The following MCMDC2 variants were observed in gnomAD, a reference collection of about 807,000 sequenced individuals.
MCMDC2 encodes minichromosome maintenance domain-containing protein 2.
Under a neutral mutation model 75.8 loss-of-function variants are expected in MCMDC2, and 54 were observed. The observed-to-expected ratio is 0.71, with a 90% CI of 0.57 to 0.89. MCMDC2 has a LOEUF of 0.89. Ranked by LOEUF, MCMDC2 falls within the 40% of genes least tolerant of loss-of-function variation. The pLI is 0.00. For missense variants in MCMDC2, 656 were observed against 780.4 expected, an observed-to-expected ratio of 0.84 and a Z score of 1.90; for synonymous variants, 249 against 274.6, an observed-to-expected ratio of 0.91 and a Z score of 0.92.
Position 66,899,844 on chromosome 8 carries a change from G to A in MCMDC2, c.1627-1362G>A, listed in dbSNP as rs572724762. Among the ~76,000 whole-genome samples, 7 of 151,980 alleles carry A rather than the reference G, an allele frequency of 4.6e-5. No individual in the cohort carries two copies. In the South Asian group the frequency reaches 1.0e-3, roughly 23 times the overall value. On this transcript the variant is annotated intron_variant, in intron 12 of 14. Coordinates refer to ENST00000422365, the MANE Select transcript of MCMDC2 (RefSeq NM_173518.5). ...AAATTTAAAATATAAATTTTAGGCC[G>A]GGCCTAGTGGCTCACGCCTGTAATC...
chr8:66,897,389 A>G (rs1812407086), intron 12 of MCMDC2, among the ~76,000 whole-genome samples: 1 of 151,234 alleles, frequency 6.6e-6, no homozygotes, highest in South Asian at 2.1e-4. Flanking sequence ...CCTGGGTGAT[A>G]GAGTAAGACC....
At position 66,883,992 on chromosome 8, in the gene MCMDC2, C is replaced by T. The variant is rs1811714927; in HGVS notation, c.1071C>T (p.Asp357=). Residue 357 remains aspartate, a splice_region_variant and synonymous_variant, in exon 9 of 15, where the codon GAC becomes GAT. Transcript: ENST00000422365. Reference sequence around the variant, plus strand: ...TAACAAGTGATACTCTACTCATAGACAGGTATATATGTGACATGAATTTTT... The same window carrying T: ...TAACAAGTGATACTCTACTCATAGATAGGTATATATGTGACATGAATTTTT... ...LIITSDTLLI[D]RLLNFSINLV... The T allele has an allele frequency of 1.3e-6, 2 of 1,586,964 alleles. No homozygotes were observed. The highest frequency in any genetic ancestry group is 1.7e-6 in the Non-Finnish European group (2 of 1,155,966).
At chr8:66,896,629 A>T (rs1003998285) in intron 11 of MCMDC2, 151 bp from the exon 12 acceptor site, 8 of 630,806 alleles carry the variant, frequency 1.3e-5, no homozygotes, top group Non-Finnish European at 1.6e-5. Flanking sequence ...AAGTTCCCAG[A>T]TTATTAAAAA....
chr8:66,912,683 G>C (rs1361997054), intron 14 of MCMDC2, among the ~76,000 whole-genome samples: 5 of 152,104 alleles, frequency 3.3e-5, no homozygotes, highest in Non-Finnish European at 7.3e-5. Flanking sequence ...ACTAACACAA[G>C]AACAGAAAAC....
chr8:66,900,861 GA>G (rs1296752484), intron 12 of MCMDC2, among the ~76,000 whole-genome samples: 3 of 152,186 alleles, frequency 2.0e-5, no homozygotes, highest in African/African-American at 7.2e-5. Context: ...AACTTACGAG[GA>G]AAAAACTGTC....
Position 66,913,261 on chromosome 8 carries a change from C to T in MCMDC2, c.1880-5742C>T, listed in dbSNP as rs541153180. Among the ~76,000 whole-genome samples the T allele has an allele frequency of 2.0e-4, 30 of 152,298 alleles. No individual in the cohort carries two copies. The South Asian group carries it at 4.8e-3, about 24-fold the overall frequency. On this transcript the variant is annotated intron_variant, in intron 14 of 14. Transcript: ENST00000422365. ...TTTTTAGACATAATGCTATTGCACA[C>T]TTAGACTACAATATAGGGTAAATAT...
In MCMDC2 at chr8:66,919,179, G is replaced by A. The variant is rs1813429314; in HGVS notation, c.*10G>A. On this transcript the variant is annotated 3_prime_UTR_variant, in exon 15 of 15. Coordinates refer to ENST00000422365, the MANE Select transcript of MCMDC2 (RefSeq NM_173518.5). ...CTCTAGTGATGAATAAGCAATTTGA[G>A]GAATTTTTGTTCATTCCTACTTAAG... 1.3e-6 allele frequency: 2 copies of A among 1,532,184 alleles called. No individual in the cohort carries two copies. The highest frequency in any genetic ancestry group is 2.8e-5 in the African/African-American group (2 of 72,060). The allele number at this position is 1,532,184 out of a possible 1,614,324, so 94.9% of individuals were successfully genotyped here.
chr8:66,896,925 CTTCTAGACAG>C lies in MCMDC2; in HGVS notation c.1596_1605del (p.Arg533GlnfsTer15). On this transcript the variant is annotated frameshift_variant, in exon 12 of 15. Coordinates refer to ENST00000422365, the MANE Select transcript of MCMDC2 (RefSeq NM_173518.5). LOFTEE classifies it high-confidence loss of function. ...AATCCTGAAGGGCTGTTTTATGCGG[CTTCTAGACAG>C]TTCACAACTGAAGATTTTGAAAAGG... 3 of 1,609,050 alleles carry C rather than the reference CTTCTAGACAG, an allele frequency of 1.9e-6. No individual in the cohort carries two copies. The highest frequency in any genetic ancestry group is 2.5e-6 in the Non-Finnish European group (3 of 1,177,878).
chr8:66,871,169 A>C (rs933764064), intron 1 of MCMDC2, among the ~76,000 whole-genome samples: 2 of 152,060 alleles, frequency 1.3e-5, no homozygotes, highest in South Asian at 2.1e-4. Flanking sequence ...TCCACTCCCC[A>C]GGGCCTCCGC....
downstream of MCMDC2, chr8:66,922,247 G>A (rs1813571782): frequency 4.6e-6 from 1 of 217,042 alleles, no homozygotes; most frequent in Non-Finnish European, 9.5e-6. Context: ...ACTTCAACAA[G>A]AATCTGCCCC....
chr8:66,896,811 A>G lies in MCMDC2; in HGVS notation c.1478A>G (p.Glu493Gly), dbSNP rs1812374448. The change falls in exon 12 of 15, where the codon GAG (glutamate) becomes GGG (glycine). Residue 493 changes from glutamate (E) to glycine (G), a missense_variant. By Grantham distance (98) the Glu-to-Gly change is moderately conservative (BLOSUM62 -2). Transcript: ENST00000422365. ...DCSLIPANLV[E>G]AFGLLINCNE... ...AGTTTGATTCCAGCTAACCTTGTGG[A>G]GGCATTTGGTTTATTGATTAACTGC... The G allele has an allele frequency of 6.2e-7, 1 of 1,611,568 alleles. No individual in the cohort carries two copies. Among genetic ancestry groups the G allele is most frequent in the Admixed American group, 1.7e-5 (1 of 59,498 alleles).
downstream of MCMDC2, among the ~76,000 whole-genome samples, chr8:66,922,979 A>G (rs1813610396): frequency 6.6e-6 from 1 of 152,228 alleles, no homozygotes; most frequent in African/African-American, 2.4e-5. Context: ...AGTACCTAGT[A>G]TTTCCACAAA....
At chr8:66,895,400 CT>C (rs34840665) in intron 10 of MCMDC2, among the ~76,000 whole-genome samples, 4,331 of 136,238 alleles carry the variant, frequency 0.032, 109 homozygotes, top group African/African-American at 0.1. Context: ...TTCTTTCTTT[CT>C]TTTTTTTTTT....
intron 10 of MCMDC2, among the ~76,000 whole-genome samples, chr8:66,895,346 G>A (rs981356503): frequency 2.6e-5 from 4 of 151,630 alleles, no homozygotes; most frequent in Non-Finnish European, 1.5e-5. Flanking sequence ...AATGGCCCTG[G>A]CCTCTTTCTT....
intron 10 of MCMDC2, among the ~76,000 whole-genome samples, chr8:66,893,814 G>A (rs1340375410): frequency 6.6e-6 from 1 of 151,928 alleles, no homozygotes; most frequent in African/African-American, 2.4e-5. Flanking sequence ...TTCATCAAAG[G>A]ATGGTGGAAC....
At chr8:66,875,506 C>T (rs759108469) in intron 4 of MCMDC2, among the ~76,000 whole-genome samples, 8 of 152,026 alleles carry the variant, frequency 5.3e-5, no homozygotes, top group Admixed American at 5.2e-4. Flanking sequence ...CTTGAACTCC[C>T]GACCTCAGGT....
At chr8:66,885,281 C>G (rs997005835) in intron 9 of MCMDC2, among the ~76,000 whole-genome samples, 3 of 150,180 alleles carry the variant, frequency 2.0e-5, no homozygotes, top group African/African-American at 7.4e-5. Flanking sequence ...TGCAATGAGC[C>G]GAGATCGCAC....
intron 14 of MCMDC2, among the ~76,000 whole-genome samples, chr8:66,912,533 C>A (rs1372643802): frequency 1.3e-5 from 2 of 152,172 alleles, no homozygotes; most frequent in Non-Finnish European, 2.9e-5. Flanking sequence ...AACAACATCA[C>A]CCTAAAGCCC....
intron 14 of MCMDC2, among the ~76,000 whole-genome samples, chr8:66,910,759 A>T (rs1436316274): frequency 6.6e-6 from 1 of 151,972 alleles, no homozygotes; most frequent in Non-Finnish European, 1.5e-5. Flanking sequence ...TAGTGAGATG[A>T]GATCATGCCA....
Sources: gnomAD v4.1 joint callset for allele counts (sites outside exome capture counted in the v4.1 genomes callset) on GRCh38, gnomAD v4.1.1 for gene constraint, MANE v1.5 for transcripts, NCBI Gene and HGNC (gene_info 2026-07-23, HGNC 2026-07-21) for gene names.